PHACTR1: variants seen among roughly 807,000 people sequenced by gnomAD.
PHACTR1 encodes the protein RPEL repeat containing 1.
In PHACTR1, 16 loss-of-function variants were observed where a neutral mutation model predicts 69.2. The ratio of observed to expected loss-of-function variants is 0.23; its 90% CI spans 0.16 to 0.35. The LOEUF is 0.35. PHACTR1 is among the 10% of genes least tolerant of loss of function. The pLI, the probability that PHACTR1 is intolerant of heterozygous loss-of-function variation, is 1.00. For missense variants in PHACTR1, 510 were observed against 734.7 expected (o/e 0.69, Z 3.54); for synonymous variants, 312 against 284.5 (o/e 1.10, Z -0.97).
intron 5 of PHACTR1, among the ~76,000 whole-genome samples, chr6:13,078,730 T>C (rs1404709386): frequency 1.3e-5 from 2 of 152,140 alleles, no homozygotes; most frequent in Non-Finnish European, 2.9e-5. Context: ...AGCTCAAGAG[T>C]TCTTCTGAGT....
intron 7 of PHACTR1, among the ~76,000 whole-genome samples, chr6:13,199,773 A>T (rs1764958367): frequency 1.3e-5 from 2 of 152,212 alleles, no homozygotes; most frequent in East Asian, 1.9e-4. Context: ...ATTTCTATAG[A>T]TAGAAATAAA....
Position 12,908,364 on chromosome 6 carries a change from A to G in PHACTR1, c.251-145001A>G, listed in dbSNP as rs6905295. On this transcript the variant is annotated intron_variant, in intron 4 of 14. Coordinates refer to ENST00000332995, the MANE Select transcript of PHACTR1 (RefSeq NM_030948.6). The stretch of plus-strand genomic sequence containing the variant: ...GACAATAATATGGAGACTGCCTATT[A>G]TAGATGAAGCAGTGAGCTCAGTCCC... Among the ~76,000 whole-genome samples the G allele has an allele frequency of 7.5e-3, 1,146 of 152,362 alleles. 21 individuals carry two copies. Among genetic ancestry groups the G allele is most frequent in the African/African-American group, 0.026 (1,099 of 41,584 alleles).
chr6:12,733,605 T>C (rs1297654738), intron 3 of PHACTR1, among the ~76,000 whole-genome samples: 3 of 152,192 alleles, frequency 2.0e-5, no homozygotes, highest in South Asian at 2.1e-4. Context: ...AGTTTCTCAA[T>C]GTCTCATCTG....
At chr6:13,132,631 T>TTAGTG (rs571272930) in intron 5 of PHACTR1, among the ~76,000 whole-genome samples, 40 of 152,196 alleles carry the variant, frequency 2.6e-4, no homozygotes, top group African/African-American at 7.7e-4. Flanking sequence ...TTGGTGTTTC[T>TTAGTG]CAGTGCATGT....
chr6:13,277,257 A>G lies in PHACTR1; in HGVS notation c.1448-1011A>G, dbSNP rs139399460. Among the ~76,000 whole-genome samples, 18 of 152,310 alleles carry G rather than the reference A, an allele frequency of 1.2e-4. No individual in the cohort carries two copies. In the East Asian group the frequency reaches 3.3e-3, roughly 28 times the overall value. ...TGTACAGCTATTTAAAAATCTGATG[A>G]GTAAATCACCCATATATTAAGGCAA... On this transcript the variant is annotated intron_variant, in intron 11 of 14. Transcript: ENST00000332995.
chr6:13,182,166 G>A (rs1360259410), intron 6 of PHACTR1, among the ~76,000 whole-genome samples: 2 of 152,174 alleles, frequency 1.3e-5, no homozygotes, highest in Admixed American at 1.3e-4. Context: ...CCGGGAGGCG[G>A]ATGTTGTGGT....
intron 7 of PHACTR1, among the ~76,000 whole-genome samples, chr6:13,198,229 C>T (rs1764702961): frequency 6.6e-6 from 1 of 152,174 alleles, no homozygotes; most frequent in Admixed American, 6.5e-5. Context: ...ACACATAGCC[C>T]TTGCAAGGAA....
chr6:13,133,867 C>T (rs1445402089), intron 5 of PHACTR1, among the ~76,000 whole-genome samples: 2 of 151,504 alleles, frequency 1.3e-5, no homozygotes, highest in Non-Finnish European at 2.9e-5. Context: ...TCTTCCCGGC[C>T]GCCATCCCGT....
At chr6:12,848,185 G>A (rs1779478045) in intron 4 of PHACTR1, among the ~76,000 whole-genome samples, 6 of 151,980 alleles carry the variant, frequency 3.9e-5, no homozygotes, top group Admixed American at 3.3e-4. Flanking sequence ...TATAAACAGA[G>A]TAACTAACCA....
chr6:12,860,529 G>A (rs574468059), intron 4 of PHACTR1, among the ~76,000 whole-genome samples: 1 of 152,252 alleles, frequency 6.6e-6, no homozygotes, highest in East Asian at 1.9e-4. Context: ...GAATTGCTGG[G>A]TCAAATGGTA....
chr6:12,934,000 AC>A, intron 4 of PHACTR1: 6 of 1,496,980 alleles, frequency 4.0e-6, no homozygotes, highest in Non-Finnish European at 5.3e-6. Flanking sequence ...ATGACATAAA[AC>A]AATATCAATT....
In PHACTR1 at chr6:13,101,230, C is replaced by T. The variant is rs138052284; in HGVS notation, c.415+47701C>T. 5.7e-3 allele frequency among the ~76,000 whole-genome samples: 867 copies of T among 152,304 alleles called. 4 individuals are homozygous for T. Among genetic ancestry groups the T allele is most frequent in the Non-Finnish European group, 9.5e-3 (649 of 68,022 alleles). ...CAGCCCATGATGAAAGGCCAAAGGG[C>T]AAGTAAGGGCAAGAGCAAGAGAGAG... On this transcript the variant is annotated intron_variant, in intron 5 of 14. Transcript: ENST00000332995.
At chr6:13,177,134 T>C (rs1032065004) in intron 6 of PHACTR1, among the ~76,000 whole-genome samples, 1 of 128,390 alleles carries the variant, frequency 7.8e-6, no homozygotes, top group Non-Finnish European at 1.5e-5. Flanking sequence ...GCCCAGGAGT[T>C]CAAGACCAGC....
chr6:12,892,806 G>T (rs1784289803), intron 4 of PHACTR1, among the ~76,000 whole-genome samples: 1 of 152,220 alleles, frequency 6.6e-6, no homozygotes, highest in African/African-American at 2.4e-5. Context: ...TGGCAGACAT[G>T]GAAACTATTA....
At chr6:12,897,317 C>T (rs73362169) in intron 4 of PHACTR1, among the ~76,000 whole-genome samples, 8,910 of 152,228 alleles carry the variant, frequency 0.059, 330 homozygotes, top group Admixed American at 0.1. Context: ...ATTCTTGCAG[C>T]GCAAGAGGTT....
At chr6:13,053,017 G>A (rs1393208687) in intron 4 of PHACTR1, among the ~76,000 whole-genome samples, 2 of 148,450 alleles carry the variant, frequency 1.3e-5, no homozygotes, top group African/African-American at 2.6e-5. Flanking sequence ...AGAAATTGCC[G>A]GACCAGTAGT....
At chr6:13,067,292 A>G (rs1808796695) in intron 5 of PHACTR1, among the ~76,000 whole-genome samples, 1 of 152,228 alleles carries the variant, frequency 6.6e-6, no homozygotes, top group South Asian at 2.1e-4. Flanking sequence ...ATTGCCAGTT[A>G]GAAATAACAG....
At chr6:12,797,605 G>A (rs924508951) in intron 4 of PHACTR1, among the ~76,000 whole-genome samples, 4 of 152,154 alleles carry the variant, frequency 2.6e-5, no homozygotes, top group African/African-American at 9.7e-5. Context: ...TGGGAGCATA[G>A]GGGAAAGCAC....
intron 4 of PHACTR1, among the ~76,000 whole-genome samples, chr6:13,036,435 C>T (rs2127702522): frequency 6.6e-6 from 1 of 152,282 alleles, no homozygotes; most frequent in Non-Finnish European, 1.5e-5. Context: ...ATCAATCTGT[C>T]ATGGTTGAAC....
Sources: gnomAD v4.1 joint callset for allele counts (sites outside exome capture counted in the v4.1 genomes callset) on GRCh38, gnomAD v4.1.1 for gene constraint, MANE v1.5 for transcripts, NCBI Gene and HGNC (gene_info 2026-07-23, HGNC 2026-07-21) for gene names.